The following BAD variants were observed in gnomAD, a reference collection of about 807,000 sequenced individuals.
BAD encodes BCL2 associated agonist of cell death.
A neutral mutation model predicts 17.8 loss-of-function variants in BAD; 18 were observed. That is an observed-to-expected ratio of 1.01 (90% CI 0.70 to 1.50). The LOEUF is 1.50. BAD is among the 40% of genes most tolerant of loss of function. BAD has a pLI of 0.00. For synonymous variants in BAD, 112 were observed against 91.5 expected (o/e 1.22, Z -1.28); for missense variants, 294 against 239.3 (o/e 1.23, Z -1.51).
intron 2 of BAD, among the ~76,000 whole-genome samples, chr11:64,282,007 C>G (rs1353897125): frequency 6.6e-6 from 1 of 152,214 alleles, no homozygotes; most frequent in Admixed American, 6.5e-5. Flanking sequence ...GCGTGAGCCA[C>G]CGCGCCCGGC....
chr11:64,281,828 C>T (rs1165131277), intron 2 of BAD, among the ~76,000 whole-genome samples: 1 of 152,228 alleles, frequency 6.6e-6, no homozygotes, highest in Non-Finnish European at 1.5e-5. Flanking sequence ...TCAAGCGATT[C>T]TCCTGCCTCA....
chr11:64,280,043 C>T (rs940292376), intron 2 of BAD, among the ~76,000 whole-genome samples: 5 of 151,776 alleles, frequency 3.3e-5, no homozygotes, highest in African/African-American at 1.2e-4. Context: ...TTTGGCCAGG[C>T]GCGGTGGCTC....
In BAD at chr11:64,284,336, C is replaced by T. The variant is rs1230177691; in HGVS notation, c.33G>A (p.Glu11=). Residue 11 remains glutamate, a synonymous_variant, in exon 2 of 4, where the codon GAG becomes GAA. Coordinates refer to ENST00000309032, the MANE Select transcript of BAD (RefSeq NM_032989.3). MFQIPEFEPS[E]QEDSSSAERG... ...TCTCTGCAGAGCTGGAGTCTTCCTG[C>T]TCACTCGGCTCAAACTCTGGGATCT... 9 of 1,612,908 alleles carry T rather than the reference C, an allele frequency of 5.6e-6. No homozygotes were observed. Among genetic ancestry groups the T allele is most frequent in the South Asian group, 1.1e-5 (1 of 91,082 alleles).
At chr11:64,271,522 G>A in intron 3 of BAD, 91 bp downstream of exon 3, 1 of 1,290,574 alleles carries the variant, frequency 7.7e-7, no homozygotes, top group Non-Finnish European at 1.0e-6. Flanking sequence ...TGGGACTCCA[G>A]ATCCGGGCGT....
At chr11:64,276,929 T>C (rs946126704) in intron 2 of BAD, 5 of 761,730 alleles carry the variant, frequency 6.6e-6, no homozygotes, top group Non-Finnish European at 1.2e-5. Context: ...CTCTGCGTGT[T>C]GGGCTTCTGA....
At chr11:64,276,330 G>T (rs1297876516) in intron 2 of BAD, 1 of 82,306 alleles carries the variant, frequency 1.2e-5, no homozygotes, top group East Asian at 4.2e-4. Context: ...ATATATATAT[G>T]TATTTTTTTT....
chr11:64,275,635 T>C (rs1255769621), intron 2 of BAD: 9 of 152,138 alleles, frequency 5.9e-5, no homozygotes, highest in Non-Finnish European at 1.2e-4. Flanking sequence ...CCTGAGGCCG[T>C]GTGGCTGGGA....
chr11:64,278,456 T>C, intron 2 of BAD, among the ~76,000 whole-genome samples: 1 of 151,580 alleles, frequency 6.6e-6, no homozygotes. Flanking sequence ...CGCAAACACT[T>C]AGCCCCTCCT....
chr11:64,284,143 G>A, intron 2 of BAD, 39 bp downstream of exon 2: 1 of 1,532,900 alleles, frequency 6.5e-7, no homozygotes, highest in Non-Finnish European at 8.8e-7. Flanking sequence ...TGGGCTGGGG[G>A]TGAGGTGTCC....
chr11:64,277,427 A>G (rs2033150380), intron 2 of BAD, among the ~76,000 whole-genome samples: 1 of 152,178 alleles, frequency 6.6e-6, no homozygotes, highest in Non-Finnish European at 1.5e-5. Context: ...TAAAGTTGGC[A>G]AATGTTTCCT....
In BAD at chr11:64,281,815, G is replaced by A. The variant is rs897219359; in HGVS notation, c.187+2367C>T. Among the ~76,000 whole-genome samples, 4 of 152,164 alleles carry A rather than the reference G, an allele frequency of 2.6e-5. No individual in the cohort carries two copies. In the South Asian group the frequency reaches 8.3e-4, roughly 31 times the overall value. On this transcript the variant is annotated intron_variant, in intron 2 of 3. Transcript: ENST00000309032. ...GGCTCACTGCAACCTCCGCCTCCCG[G>A]GTTCAAGCGATTCTCCTGCCTCAGC...
chr11:64,274,535 A>G (rs1476285381), intron 2 of BAD, among the ~76,000 whole-genome samples: 1 of 151,696 alleles, frequency 6.6e-6, no homozygotes, highest in Non-Finnish European at 1.5e-5. Context: ...TAAAAATACA[A>G]AAAAAGGCCA....
chr11:64,283,773 C>G (rs936576009), intron 2 of BAD, among the ~76,000 whole-genome samples: 1 of 152,130 alleles, frequency 6.6e-6, no homozygotes, highest in Non-Finnish European at 1.5e-5. Flanking sequence ...GATTTCTGTC[C>G]TAACCCCACA....
At chr11:64,274,682 G>A (rs1393417532) in intron 2 of BAD, among the ~76,000 whole-genome samples, 2 of 152,124 alleles carry the variant, frequency 1.3e-5, no homozygotes, top group Non-Finnish European at 2.9e-5. Context: ...TTAGCCAGGT[G>A]TGGTGGCGCG....
At chr11:64,281,523 C>A (rs1250820060) in intron 2 of BAD, among the ~76,000 whole-genome samples, 10 of 152,226 alleles carry the variant, frequency 6.6e-5, no homozygotes, top group Admixed American at 6.5e-4. Flanking sequence ...TCTCCAAATA[C>A]CCTTTCCTAA....
rs1176869775 is a variant in BAD at position 64,282,967 on chromosome 11, TCACTTAA to T, written c.187+1208_187+1214del. On this transcript the variant is annotated intron_variant, in intron 2 of 3. Transcript: ENST00000309032. ...CTGTATTCCCAGTTACGTGGGAGGATCACTTAAGCCCAGAAGTTCCGGGCTGCAGTGA... is the reference window on the plus strand; with the variant it reads ...CTGTATTCCCAGTTACGTGGGAGGATGCCCAGAAGTTCCGGGCTGCAGTGA... Among the ~76,000 whole-genome samples the T allele has an allele frequency of 8.2e-3, 1,237 of 151,414 alleles. 19 individuals carry two copies. The highest frequency in any genetic ancestry group is 0.029 in the African/African-American group (1,191 of 41,198).
In BAD at chr11:64,271,668, T is replaced by C; in HGVS notation, c.323A>G (p.Gln108Arg). 6.6e-7 allele frequency: 1 copy of C among 1,506,466 alleles called. No homozygotes were observed. Among genetic ancestry groups the C allele is most frequent in the East Asian group, 2.7e-5 (1 of 37,006 alleles). 93.3% of individuals were successfully genotyped at this position (1,506,466 alleles called of 1,614,324 possible). The stretch of plus-strand genomic sequence containing the variant: ...CCTCCGGAGCTCGCGGCCATAGCGC[T>C]GTGCTGCCCAGAGGTTGGGGGGCGC... ...RSAPPNLWAA[Q>R]RYGRELRRMS... is the part of the protein sequence containing the mutation. The change falls in exon 3 of 4, where the codon CAG becomes CGG. Residue 108 changes from glutamine to arginine, a missense_variant. Gln to Arg is a conservative substitution (Grantham distance 43, BLOSUM62 1). Transcript: ENST00000309032.
rs773702754 is a variant in BAD, at chr11:64,270,204, G to C, written c.*5C>G. ...CGGGTGGAGTTTCGGGATGTGGAGC[G>C]AAGGTCACTGGGAGGGGGCGGAGCT... On this transcript the variant is annotated 3_prime_UTR_variant, in exon 4 of 4. Coordinates refer to ENST00000309032, the MANE Select transcript of BAD (RefSeq NM_032989.3). The C allele has an allele frequency of 5.0e-6, 8 of 1,613,802 alleles. No individual in the cohort carries two copies. The highest frequency in any genetic ancestry group is 1.3e-5 in the African/African-American group (1 of 74,944).
Position 64,271,823 on chromosome 11 carries a change from A to C in BAD, c.188-20T>G. The C allele has an allele frequency of 7.3e-7, 1 of 1,373,386 alleles. No homozygotes were observed. Among genetic ancestry groups the C allele is most frequent in the Admixed American group, 3.2e-5 (1 of 31,634 alleles). 85.1% of individuals were successfully genotyped at this position (1,373,386 alleles called of 1,614,324 possible). A position where few individuals can be genotyped will look rare whatever the true frequency, so the allele number is the denominator to read the frequency against. On this transcript the variant is annotated intron_variant, in intron 2 of 3. Transcript: ENST00000309032. ...CAGCGCCTGCAGAGGGTCAGTGGGTAGGGGGGCGACGTTAATCTCAGCTCC... is the reference window on the plus strand; with the variant it reads ...CAGCGCCTGCAGAGGGTCAGTGGGTCGGGGGGCGACGTTAATCTCAGCTCC...
Sources: allele counts gnomAD v4.1 joint callset (sites outside exome capture counted in the v4.1 genomes callset), GRCh38; gene constraint gnomAD v4.1.1; transcripts MANE v1.5; gene names NCBI Gene and HGNC (gene_info 2026-07-23, HGNC 2026-07-21).